Variants in TENM3 observed in about 807,000 individuals in gnomAD.
The protein encoded by TENM3 is teneurin-3.
TENM3 carries 63 observed loss-of-function variants against 255.1 expected under a neutral mutation model. The observed-to-expected ratio is 0.25, with a 90% CI of 0.20 to 0.30. The LOEUF (loss-of-function observed/expected upper bound fraction) is 0.30, where lower values mean the gene tolerates loss of function less well. TENM3 is among the 10% of genes least tolerant of loss of function. The pLI is 1.00. For synonymous variants in TENM3, 1,306 were observed against 1,322.3 expected (o/e 0.99, Z 0.27); for missense variants, 2,929 against 3,461.1 (o/e 0.85, Z 3.86).
chr4:182,602,462 T>A (rs1747986217), intron 4 of TENM3, among the ~76,000 whole-genome samples: 4 of 152,208 alleles, frequency 2.6e-5, no homozygotes. Context: ...CCATTCTGCC[T>A]TGAGGATGAG....
the TENM3 span, among the ~76,000 whole-genome samples, chr4:181,921,192 G>A: frequency 6.6e-6 from 1 of 152,048 alleles, no homozygotes; most frequent in African/African-American, 2.4e-5. Context: ...TGTTCTTTTG[G>A]CTTAGGATTG....
At chr4:182,331,678 G>A (rs1252519003) in intron 2 of TENM3, among the ~76,000 whole-genome samples, 1 of 152,086 alleles carries the variant, frequency 6.6e-6, no homozygotes, top group Non-Finnish European at 1.5e-5. Flanking sequence ...TATATTAGGT[G>A]AATACAAACA....
chr4:182,578,114 T>C (rs1560951134), intron 3 of TENM3, among the ~76,000 whole-genome samples: 2 of 151,958 alleles, frequency 1.3e-5, no homozygotes, highest in Non-Finnish European at 2.9e-5. Context: ...GTAGCTGGGA[T>C]TGCAGGCACC....
In TENM3 at chr4:182,341,515, G is replaced by A. The variant is rs189976268; in HGVS notation, c.233-5136G>A. On this transcript the variant is annotated intron_variant, in intron 2 of 27. Transcript: ENST00000511685. ...TACAAACGAGCTTCCCTGCAGATCC[G>A]AAGACATGGGTCCAACTCATTCTTT... 1.7e-4 allele frequency among the ~76,000 whole-genome samples: 26 copies of A among 152,118 alleles called. 1 individual carries two copies. The East Asian group carries it at 2.1e-3, about 12-fold the overall frequency.
the TENM3 span, among the ~76,000 whole-genome samples, chr4:181,486,287 G>A: frequency 6.6e-6 from 1 of 152,172 alleles, no homozygotes. Context: ...CCATCTCTCA[G>A]AGTGGCCTCC....
At chr4:182,631,324 A>C (rs1163223988) in intron 5 of TENM3, 1 of 152,230 alleles carries the variant, frequency 6.6e-6, no homozygotes, top group Non-Finnish European at 1.5e-5. Context: ...AATTACTTTT[A>C]TCTTCAAAGA....
the TENM3 span, among the ~76,000 whole-genome samples, chr4:181,465,041 T>C: frequency 6.6e-6 from 1 of 152,218 alleles, no homozygotes; most frequent in South Asian, 2.1e-4. Context: ...TAACCCGAGG[T>C]GAAGCATATT....
the TENM3 span, among the ~76,000 whole-genome samples, chr4:181,573,480 C>T: frequency 6.6e-6 from 1 of 151,926 alleles, no homozygotes; most frequent in Non-Finnish European, 1.5e-5. Context: ...CTAATGATTA[C>T]TGTTTCATTC....
At chr4:182,336,560 C>T (rs2150586553) in intron 2 of TENM3, among the ~76,000 whole-genome samples, 1 of 152,342 alleles carries the variant, frequency 6.6e-6, no homozygotes, top group South Asian at 2.1e-4. Context: ...TGCTTCGGAA[C>T]TGCAGCAGGT....
chr4:181,737,421 T>C, the TENM3 span, among the ~76,000 whole-genome samples: 1 of 152,144 alleles, frequency 6.6e-6, no homozygotes, highest in African/African-American at 2.4e-5. Context: ...TTTCCTCCTG[T>C]CATGCTCTTA....
rs1420129927 is a variant in TENM3 at position 182,323,973 on chromosome 4, C to A, written c.-48C>A. 2 of 1,535,720 alleles carry A rather than the reference C, an allele frequency of 1.3e-6. No individual in the cohort carries two copies. Among genetic ancestry groups the A allele is most frequent in the Non-Finnish European group, 1.8e-6 (2 of 1,120,974 alleles). ...AGGCCAATGAGACTTGAACCCTGAG[C>A]CTAAGTTGTCACCAGCAGGACTGAT... is the stretch of plus-strand genomic sequence containing the variant. On this transcript the variant is annotated 5_prime_UTR_variant, in exon 2 of 28. Transcript: ENST00000511685.
At chr4:182,592,537 A>T (rs1746772231) in intron 3 of TENM3, among the ~76,000 whole-genome samples, 1 of 152,238 alleles carries the variant, frequency 6.6e-6, no homozygotes, top group South Asian at 2.1e-4. Flanking sequence ...CAACCAGGCC[A>T]GCATGGTGAA....
At chr4:182,687,924 T>C (rs1447879196) in intron 11 of TENM3, among the ~76,000 whole-genome samples, 2 of 152,208 alleles carry the variant, frequency 1.3e-5, no homozygotes, top group Admixed American at 1.3e-4. Context: ...ATGTGTATTT[T>C]CTGCATGATT....
At chr4:182,375,541 T>C (rs1767118272) in intron 3 of TENM3, among the ~76,000 whole-genome samples, 1 of 152,124 alleles carries the variant, frequency 6.6e-6, no homozygotes, top group African/African-American at 2.4e-5. Context: ...ATGGTTTTTA[T>C]TTTTATTTTT....
At chr4:182,224,564 T>C (rs1254394889) in intron 1 of TENM3, among the ~76,000 whole-genome samples, 1 of 152,144 alleles carries the variant, frequency 6.6e-6, no homozygotes, top group African/African-American at 2.4e-5. Context: ...ATTTTTGCAT[T>C]GCAAAATTGG....
rs577803932 is a variant in TENM3, at chr4:182,565,397, A to G, written c.512-35527A>G. Among the ~76,000 whole-genome samples the G allele has an allele frequency of 2.0e-5, 3 of 152,342 alleles. No individual in the cohort carries two copies. The East Asian group carries it at 5.8e-4, about 29-fold the overall frequency. ...ATATCTACACCCATTTACTACAAATAAGCAAGAATTTTTTATTGTCAAGTT... is the reference window on the plus strand; with the variant it reads ...ATATCTACACCCATTTACTACAAATGAGCAAGAATTTTTTATTGTCAAGTT... On this transcript the variant is annotated intron_variant, in intron 3 of 27. Coordinates refer to ENST00000511685, the MANE Select transcript of TENM3 (RefSeq NM_001080477.4).
intron 3 of TENM3, among the ~76,000 whole-genome samples, chr4:182,374,420 T>C (rs1005240478): frequency 8.5e-5 from 13 of 152,174 alleles, no homozygotes; most frequent in African/African-American, 2.9e-4. Context: ...GTAAAATAAG[T>C]TTTTAAAATA....
chr4:181,844,551 C>G, the TENM3 span, among the ~76,000 whole-genome samples: 443 of 151,956 alleles, frequency 2.9e-3, 1 homozygote, highest in Non-Finnish European at 4.1e-3. Context: ...GCCTGTAGTC[C>G]CAGCTACTCG....
At chr4:182,724,258 G>A (rs2152699036) in intron 13 of TENM3, among the ~76,000 whole-genome samples, 1 of 152,274 alleles carries the variant, frequency 6.6e-6, no homozygotes. Context: ...ATGGAATCTC[G>A]ATGATTTTTG....
Sources: gnomAD v4.1 joint callset for allele counts (sites outside exome capture counted in the v4.1 genomes callset) on GRCh38, gnomAD v4.1.1 for gene constraint, MANE v1.5 for transcripts, NCBI Gene and HGNC (gene_info 2026-07-23, HGNC 2026-07-21) for gene names.